Variants in ARHGAP31 observed in about 807,000 individuals in gnomAD.
The protein encoded by ARHGAP31 is rho GTPase-activating protein 31.
In ARHGAP31, 34 loss-of-function variants were observed where a neutral mutation model predicts 113.9. That is an observed-to-expected ratio of 0.30 (90% CI 0.23 to 0.40). The LOEUF (loss-of-function observed/expected upper bound fraction) is 0.40, where lower values mean the gene tolerates loss of function less well. ARHGAP31 is among the 10% of genes least tolerant of loss of function. The probability of loss-of-function intolerance (pLI) is 1.00; values close to 1 mark genes in which losing one functional copy is unlikely to be tolerated. For missense variants in ARHGAP31, 1,548 were observed against 1,767.1 expected (o/e 0.88, Z 2.22); for synonymous variants, 650 against 684.8 (o/e 0.95, Z 0.79).
At chr3:119,323,685 C>T (rs934898296) in intron 1 of ARHGAP31, among the ~76,000 whole-genome samples, 2 of 152,192 alleles carry the variant, frequency 1.3e-5, no homozygotes, top group Admixed American at 1.3e-4. Flanking sequence ...GTCCTCGTTA[C>T]CTGGGCTGTG....
At chr3:119,310,534 G>T (rs1052154959) in intron 1 of ARHGAP31, among the ~76,000 whole-genome samples, 3 of 152,210 alleles carry the variant, frequency 2.0e-5, no homozygotes, top group Non-Finnish European at 4.4e-5. Flanking sequence ...TCTGCTTCCT[G>T]TCAGATCAGC....
chr3:119,322,920 G>T (rs939380057), intron 1 of ARHGAP31, among the ~76,000 whole-genome samples: 3 of 152,152 alleles, frequency 2.0e-5, no homozygotes, highest in African/African-American at 7.2e-5. Context: ...CCACGTCCTT[G>T]TCCCTCCTGA....
chr3:119,395,402 C>T (rs1039435348), intron 8 of ARHGAP31, among the ~76,000 whole-genome samples: 6 of 152,172 alleles, frequency 3.9e-5, no homozygotes, highest in Admixed American at 3.9e-4. Flanking sequence ...GGGTTTAATA[C>T]AGGGGCTCTG....
chr3:119,392,836 C>G (rs1370750467), intron 7 of ARHGAP31, among the ~76,000 whole-genome samples: 1 of 152,214 alleles, frequency 6.6e-6, no homozygotes, highest in Non-Finnish European at 1.5e-5. Flanking sequence ...CTTTTCAGTC[C>G]GTGAAAGTCT....
chr3:119,309,325 G>T (rs1433584269), intron 1 of ARHGAP31, among the ~76,000 whole-genome samples: 1 of 152,230 alleles, frequency 6.6e-6, no homozygotes, highest in Admixed American at 6.5e-5. Context: ...AGTAATATGT[G>T]TTCAGCCTTG....
chr3:119,369,389 T>C (rs1262383737), intron 3 of ARHGAP31, among the ~76,000 whole-genome samples: 5 of 152,130 alleles, frequency 3.3e-5, no homozygotes, highest in African/African-American at 4.8e-5. Flanking sequence ...TGAGTAACAG[T>C]GTAAAAGTAG....
Position 119,416,005 on chromosome 3 carries a change from A to G in ARHGAP31, c.4076A>G (p.His1359Arg). The G allele has an allele frequency of 6.2e-7, 1 of 1,614,166 alleles. No individual in the cohort carries two copies. The highest frequency in any genetic ancestry group is 8.5e-7 in the Non-Finnish European group (1 of 1,180,028). ...LFSPPFPIMD[H>R]LPPSSTVTDS... ...AGTCCTCCTTTCCCCATTATGGACC[A>G]CCTGCCCCCTTCATCCACAGTGACA... is the stretch of plus-strand genomic sequence containing the variant. The change falls in exon 12 of 12, where the codon CAC becomes CGC. Residue 1359 changes from histidine (H) to arginine (R), a missense_variant. His to Arg is a conservative substitution (Grantham distance 29). Transcript: ENST00000264245.
chr3:119,308,669 T>C (rs138209941), intron 1 of ARHGAP31, among the ~76,000 whole-genome samples: 7 of 152,304 alleles, frequency 4.6e-5, no homozygotes, highest in African/African-American at 1.7e-4. Context: ...TAAAGCCTCT[T>C]TGTATAGAAG....
rs34228523 is a variant in ARHGAP31 at position 119,332,604 on chromosome 3, T to TTCTCTCTCTC, written c.101-32689_101-32680dup. On this transcript the variant is annotated intron_variant, in intron 1 of 11. Coordinates refer to ENST00000264245, the MANE Select transcript of ARHGAP31 (RefSeq NM_020754.4). Reference sequence around the variant, plus strand: ...CAGGGATCTCTTTCTCTCTCTCTCTTTCTCTCTCTCTCTCTCTCTCTCTCT... The same window carrying TTCTCTCTCTC: ...CAGGGATCTCTTTCTCTCTCTCTCTTTCTCTCTCTCTCTCTCTCTCTCTCTCTCTCTCTCT... Among the ~76,000 whole-genome samples, 10 of 105,904 alleles carry TTCTCTCTCTC rather than the reference T, an allele frequency of 9.4e-5. No homozygotes were observed. In the South Asian group the frequency reaches 1.1e-3, roughly 12 times the overall value. 69.5% of individuals were successfully genotyped at this position (105,904 alleles called of 152,430 possible).
chr3:119,336,927 T>C (rs757461648), intron 1 of ARHGAP31, among the ~76,000 whole-genome samples: 11 of 152,266 alleles, frequency 7.2e-5, no homozygotes, highest in Non-Finnish European at 1.0e-4. Context: ...TTTTTGTTTC[T>C]GGCTTCTTAC....
intron 1 of ARHGAP31, among the ~76,000 whole-genome samples, chr3:119,325,418 C>G (rs936448208): frequency 2.0e-5 from 3 of 152,226 alleles, no homozygotes; most frequent in Admixed American, 1.3e-4. Context: ...GTTGTTCCCC[C>G]TTTACAGGCA....
rs1308624671 is a variant in ARHGAP31 at position 119,409,764 on chromosome 3, T to A, written c.1914T>A (p.Leu638=). ...ESPRARAEAV[L]LHEMDEDDLA... ...CCAGGGCCAGAGCCGAAGCTGTGCT[T>A]CTCCATGAGATGGTAAAGTGCATTC... Residue 638 remains leucine (L), a synonymous_variant, in exon 11 of 12, where the codon CTT becomes CTA. Coordinates refer to ENST00000264245, the MANE Select transcript of ARHGAP31 (RefSeq NM_020754.4). 1.9e-6 allele frequency: 3 copies of A among 1,603,298 alleles called. No homozygotes were observed. The highest frequency in any genetic ancestry group is 2.6e-6 in the Non-Finnish European group (3 of 1,175,520).
chr3:119,348,683 A>T (rs1035404447), intron 1 of ARHGAP31, among the ~76,000 whole-genome samples: 17 of 152,220 alleles, frequency 1.1e-4, no homozygotes, highest in African/African-American at 4.1e-4. Flanking sequence ...CATAAATGCT[A>T]TGTAAATAGT....
At chr3:119,308,985 G>T (rs1215801641) in intron 1 of ARHGAP31, among the ~76,000 whole-genome samples, 1 of 151,998 alleles carries the variant, frequency 6.6e-6, no homozygotes, top group Non-Finnish European at 1.5e-5. Flanking sequence ...GGGACTACAG[G>T]CATGCACCCC....
At chr3:119,298,085 A>G (rs1027769211) in intron 1 of ARHGAP31, among the ~76,000 whole-genome samples, 1 of 152,096 alleles carries the variant, frequency 6.6e-6, no homozygotes, top group Non-Finnish European at 1.5e-5. Flanking sequence ...CTAACTTGGT[A>G]AGAAGGGAGC....
rs1036458725 is a variant in ARHGAP31 at position 119,414,853 on chromosome 3, G to A, written c.2924G>A (p.Cys975Tyr). 1.9e-6 allele frequency: 3 copies of A among 1,614,090 alleles called. No individual in the cohort carries two copies. The highest frequency in any genetic ancestry group is 1.3e-5 in the African/African-American group (1 of 74,930). The stretch of plus-strand genomic sequence containing the variant: ...CTCGAGGTTCCCTCCTCCAGCAGCT[G>A]TGCTAATCTTGAAACAGAGAGGAAT... ...WTLEVPSSSS[C>Y]ANLETERNSD... The change falls in exon 12 of 12, where the codon TGT (cysteine) becomes TAT (tyrosine). Residue 975 changes from cysteine to tyrosine, a missense_variant. Physicochemically the swap from Cys to Tyr is radical, Grantham distance 194 (BLOSUM62 -2). Coordinates refer to ENST00000264245, the MANE Select transcript of ARHGAP31 (RefSeq NM_020754.4).
chr3:119,378,298 C>T (rs1041765752), intron 3 of ARHGAP31, among the ~76,000 whole-genome samples: 3 of 151,992 alleles, frequency 2.0e-5, no homozygotes, highest in Non-Finnish European at 2.9e-5. Flanking sequence ...TTGCAGTGGC[C>T]GGGCCCCTCC....
Position 119,401,939 on chromosome 3 carries a change from G to C in ARHGAP31, c.1187G>C (p.Gly396Ala). The change falls in exon 10 of 12, where the codon GGC becomes GCC. Residue 396 changes from glycine (G) to alanine (A), a missense_variant. Gly to Ala is a moderately conservative substitution (Grantham distance 60). Transcript: ENST00000264245. ...TCATGTGACCTCACCAAGCAGGAGG[G>C]CGAATGGGGCCAGGAGGGGATGCCT... The part of the protein sequence containing the change: ...GSSCDLTKQE[G>A]EWGQEGMPPG... The C allele has an allele frequency of 5.6e-6, 9 of 1,614,130 alleles. No individual in the cohort carries two copies. The highest frequency in any genetic ancestry group is 7.6e-6 in the Non-Finnish European group (9 of 1,180,024).
intron 1 of ARHGAP31, among the ~76,000 whole-genome samples, chr3:119,315,198 TA>T (rs2079718912): frequency 6.6e-6 from 1 of 152,266 alleles, no homozygotes; most frequent in Admixed American, 6.5e-5. Flanking sequence ...TTGCTTTTTG[TA>T]ACAATGAACA....
Sources: gnomAD v4.1 joint callset for allele counts (sites outside exome capture counted in the v4.1 genomes callset) on GRCh38, gnomAD v4.1.1 for gene constraint, MANE v1.5 for transcripts, NCBI Gene and HGNC (gene_info 2026-07-23, HGNC 2026-07-21) for gene names.